Variants in EDEM1 observed in about 807,000 individuals in gnomAD.
The protein encoded by EDEM1 is ER degradation-enhancing alpha-mannosidase-like protein 1.
EDEM1 carries 67 observed loss-of-function variants against 74.4 expected under a neutral mutation model. The ratio of observed to expected loss-of-function variants is 0.90; its 90% confidence interval spans 0.74 to 1.10. EDEM1 has a LOEUF of 1.10. Ranked by LOEUF, EDEM1 falls within the 50% of genes least tolerant of loss-of-function variation. The pLI, the probability that EDEM1 is intolerant of heterozygous loss-of-function variation, is 0.00. For synonymous variants in EDEM1, 382 were observed against 335.9 expected, an observed-to-expected ratio of 1.14 and a Z score of -1.50; for missense variants, 926 against 851.6, an observed-to-expected ratio of 1.09 and a Z score of -1.09.
At chr3:5,206,721 A>G (rs1013083286) in intron 6 of EDEM1, among the ~76,000 whole-genome samples, 1 of 152,122 alleles carries the variant, frequency 6.6e-6, no homozygotes, top group Admixed American at 6.6e-5. Context: ...AGTAATCCCC[A>G]AGGGTCTTGC....
At chr3:5,205,346 T>C (rs2055084172) in intron 6 of EDEM1, 105 bp downstream of exon 6, 1 of 1,155,096 alleles carries the variant, frequency 8.7e-7, no homozygotes, top group African/African-American at 1.5e-5. Flanking sequence ...TGTTTATCTC[T>C]GCCCTCACCT....
intron 11 of EDEM1, among the ~76,000 whole-genome samples, chr3:5,214,751 T>C (rs1211808762): frequency 6.6e-6 from 1 of 152,160 alleles, no homozygotes; most frequent in Non-Finnish European, 1.5e-5. Flanking sequence ...GGCAGTGTCT[T>C]CTCTTTTAGG....
rs1424242424 is a variant in EDEM1, at chr3:5,219,627, T to C, written c.*3709T>C. ...GAGGAATAATATTTTTAAAGGTTAT[T>C]TTGTTTTAGTTTTAAATAGCAAAAC... On this transcript the variant is annotated 3_prime_UTR_variant, in exon 12 of 12. Coordinates refer to ENST00000256497, the MANE Select transcript of EDEM1 (RefSeq NM_014674.3). The C allele has an allele frequency of 6.6e-6, 1 of 152,596 alleles. No individual in the cohort carries two copies. The highest frequency in any genetic ancestry group is 2.4e-5 in the African/African-American group (1 of 41,460). 9.5% of individuals were successfully genotyped at this position (152,596 alleles called of 1,614,324 possible). A position where few individuals can be genotyped will look rare whatever the true frequency, so the allele number is the denominator to read the frequency against.
In EDEM1 at chr3:5,215,935, C is replaced by T; in HGVS notation, c.*17C>T. 7 of 1,605,930 alleles carry T rather than the reference C, an allele frequency of 4.4e-6. No individual in the cohort carries two copies. The highest frequency in any genetic ancestry group is 6.0e-6 in the Non-Finnish European group (7 of 1,175,060). ...TTGATTTGATCTGCTCTCTGTGAGG[C>T]CTCATCTTGAACCAGACCTTAACGA... On this transcript the variant is annotated 3_prime_UTR_variant, in exon 12 of 12. Transcript: ENST00000256497.
chr3:5,207,288 G>T lies in EDEM1; in HGVS notation c.1338+15G>T. On this transcript the variant is annotated intron_variant, in intron 7 of 11. Transcript: ENST00000256497. ...CTGGACTGCAGGTATTTTGCCATCAGATTTCCTAAGAATAACCAATCACCA... is the reference window on the plus strand; with the variant it reads ...CTGGACTGCAGGTATTTTGCCATCATATTTCCTAAGAATAACCAATCACCA... 1.2e-6 allele frequency: 2 copies of T among 1,613,350 alleles called. No homozygotes were observed. Among genetic ancestry groups the T allele is most frequent in the Non-Finnish European group, 1.7e-6 (2 of 1,179,786 alleles).
At chr3:5,205,564 G>A (rs2055086367) in intron 6 of EDEM1, among the ~76,000 whole-genome samples, 1 of 152,184 alleles carries the variant, frequency 6.6e-6, no homozygotes, top group Non-Finnish European at 1.5e-5. Context: ...TGGTGGCCAG[G>A]GCCACAGCCA....
At chr3:5,192,045 G>T (rs905370598) in intron 1 of EDEM1, among the ~76,000 whole-genome samples, 4 of 152,194 alleles carry the variant, frequency 2.6e-5, no homozygotes, top group African/African-American at 7.2e-5. Context: ...GCTCAAGATG[G>T]CCTCCTCTGC....
At chr3:5,191,861 G>C (rs1464091388) in intron 1 of EDEM1, among the ~76,000 whole-genome samples, 1 of 152,170 alleles carries the variant, frequency 6.6e-6, no homozygotes, top group Non-Finnish European at 1.5e-5. Flanking sequence ...AAGTTTCTTT[G>C]AGTAAATGTG....
intron 10 of EDEM1, 96 bp from the exon 11 acceptor site, chr3:5,213,223 C>G: frequency 7.9e-7 from 1 of 1,268,978 alleles, no homozygotes; most frequent in Middle Eastern, 2.7e-4. Flanking sequence ...GAGGCCCAAG[C>G]AAATTCTACT....
intron 5 of EDEM1, among the ~76,000 whole-genome samples, chr3:5,203,406 T>C (rs1162018240): frequency 6.6e-6 from 1 of 152,208 alleles, no homozygotes; most frequent in Non-Finnish European, 1.5e-5. Context: ...AAATTATTGT[T>C]AATGGAAATG....
intron 11 of EDEM1, 37 bp from the exon 12 acceptor site, chr3:5,215,792 A>G (rs375081837): frequency 2.6e-6 from 4 of 1,563,634 alleles, no homozygotes; most frequent in Non-Finnish European, 2.6e-6. Context: ...AGAGCAACAT[A>G]TGAGTTTTTA....
intron 3 of EDEM1, 108 bp from the exon 4 acceptor site, chr3:5,201,645 C>A: frequency 2.3e-6 from 3 of 1,295,736 alleles, no homozygotes; most frequent in East Asian, 2.3e-5. Context: ...TGACGTCAGG[C>A]AGTTCTGAGT....
rs750918352 is a variant in EDEM1 at position 5,205,088 on chromosome 3, C to T, written c.1064C>T (p.Thr355Met). 14 of 1,614,014 alleles carry T rather than the reference C, an allele frequency of 8.7e-6. No individual in the cohort carries two copies. The highest frequency in any genetic ancestry group is 2.2e-5 in the East Asian group (1 of 44,882). Residue 355 changes from threonine to methionine, a missense_variant, in exon 6 of 12, where the codon ACG (threonine) becomes ATG (methionine). Transcript: ENST00000256497. ...GLLGNVVNIQ[T>M]GHWVGKQSGL... ...GCAGGCAATGTCGTGAACATTCAGACGGGCCACTGGGTTGGAAAGCAGAGT... is the reference window on the plus strand; with the variant it reads ...GCAGGCAATGTCGTGAACATTCAGATGGGCCACTGGGTTGGAAAGCAGAGT...
chr3:5,190,192 A>G (rs1424500041), intron 1 of EDEM1, among the ~76,000 whole-genome samples: 1 of 152,246 alleles, frequency 6.6e-6, no homozygotes, highest in Non-Finnish European at 1.5e-5. Context: ...CATAGTTGCA[A>G]TCATAGTATG....
At chr3:5,214,080 A>G (rs2055201271) in intron 11 of EDEM1, among the ~76,000 whole-genome samples, 1 of 152,238 alleles carries the variant, frequency 6.6e-6, no homozygotes, top group South Asian at 2.1e-4. Flanking sequence ...AAGTGCAGCA[A>G]ACACCCACAT....
intron 3 of EDEM1, 40 bp from the exon 4 acceptor site, chr3:5,201,713 C>T: frequency 6.2e-7 from 1 of 1,610,302 alleles, no homozygotes; most frequent in Non-Finnish European, 8.5e-7. Context: ...CATTTACAAG[C>T]AACACGATTG....
chr3:5,191,424 G>C (rs1276534108), intron 1 of EDEM1, among the ~76,000 whole-genome samples: 1 of 151,554 alleles, frequency 6.6e-6, no homozygotes, highest in Admixed American at 6.6e-5. Flanking sequence ...GTAGAAGTGG[G>C]GTCTTACTTT....
rs148858306 is a variant in EDEM1 at position 5,191,689 on chromosome 3, T to C, written c.509+3375T>C. 1.4e-3 allele frequency among the ~76,000 whole-genome samples: 211 copies of C among 152,330 alleles called. 1 individual carries two copies. The highest frequency in any genetic ancestry group is 4.9e-3 in the African/African-American group (205 of 41,564). ...TGTAGTCATATATGCTCCAAACTTA[T>C]CTTGCCTCAAGTACATGTGACTTGT... On this transcript the variant is annotated intron_variant, in intron 1 of 11. Coordinates refer to ENST00000256497, the MANE Select transcript of EDEM1 (RefSeq NM_014674.3).
chr3:5,217,029 T>A lies in EDEM1; in HGVS notation c.*1111T>A, dbSNP rs1040970138. On this transcript the variant is annotated 3_prime_UTR_variant, in exon 12 of 12. Transcript: ENST00000256497. ...CTGTGTAATACAGGCTTTAGATTAG[T>A]GCCTTATATTGGTTTTGGTTTGGGG... The A allele has an allele frequency of 6.6e-6, 1 of 152,642 alleles. No homozygotes were observed. The highest frequency in any genetic ancestry group is 1.5e-5 in the Non-Finnish European group (1 of 68,044). 9.5% of individuals were successfully genotyped at this position (152,642 alleles called of 1,614,324 possible). A position where few individuals can be genotyped will look rare whatever the true frequency, so the allele number is the denominator to read the frequency against.
Sources: allele counts gnomAD v4.1 joint callset (sites outside exome capture counted in the v4.1 genomes callset), GRCh38; gene constraint gnomAD v4.1.1; transcripts MANE v1.5; gene names NCBI Gene and HGNC (gene_info 2026-07-23, HGNC 2026-07-21).